The following RBM26 variants were observed in gnomAD, a reference collection of about 807,000 sequenced individuals.
RBM26 encodes RNA-binding protein 26.
Under a neutral mutation model 123.6 loss-of-function variants are expected in RBM26, and 30 were observed. The observed-to-expected ratio is 0.24, with a 90% CI of 0.18 to 0.33. RBM26 has a LOEUF of 0.33. Ranked by LOEUF, RBM26 falls within the 10% of genes least tolerant of loss-of-function variation. The pLI is 1.00. For synonymous variants in RBM26, 400 were observed against 404.4 expected, an observed-to-expected ratio of 0.99 and a Z score of 0.13; for missense variants, 947 against 1,203.6, an observed-to-expected ratio of 0.79 and a Z score of 3.15.
chr13:79,314,478 A>G (rs2066994625), downstream of RBM26: 1 of 151,858 alleles, frequency 6.6e-6, no homozygotes, highest in Non-Finnish European at 1.5e-5. Flanking sequence ...CAGTACATAA[A>G]AAAGTACTTT....
intron 20 of RBM26, among the ~76,000 whole-genome samples, chr13:79,328,683 TAAAA>T (rs747906560): frequency 0.039 from 1,509 of 38,402 alleles, 22 homozygotes; most frequent in African/African-American, 0.15. Context: ...CTGCATTAAG[TAAAA>T]AAAAAAAAAA....
rs942300204 is a variant in RBM26, at chr13:79,377,634, A to G, written c.191-119T>C. 4.8e-5 allele frequency: 40 copies of G among 830,316 alleles called. No homozygotes were observed. The African/African-American group carries it at 6.6e-4, about 14-fold the overall frequency. 51.4% of individuals were successfully genotyped at this position (830,316 alleles called of 1,614,324 possible). A position where few individuals can be genotyped will look rare whatever the true frequency, so the allele number is the denominator to read the frequency against. ...CCTTGACTTTTATAAACTAGAAAAT[A>G]TACTAGCACTGGCCAGGCGTGGTGG... On this transcript the variant is annotated intron_variant, in intron 2 of 21. Coordinates refer to ENST00000438737, the MANE Select transcript of RBM26 (RefSeq NM_001366735.2).
chr13:79,342,704 G>A lies in RBM26; in HGVS notation c.2387C>T (p.Pro796Leu). The A allele has an allele frequency of 1.9e-6, 3 of 1,611,364 alleles. 1 individual carries two copies. The highest frequency in any genetic ancestry group is 2.2e-5 in the East Asian group (1 of 44,750). ...KLKDEVKAAS[P>L]GRCLPKSIKT... Reference sequence around the variant, plus strand: ...TATACTTTTTGGAAGACAGCGTCCAGGAGAAGCAGCTTTGACCTCATCTTT... The same window carrying A: ...TATACTTTTTGGAAGACAGCGTCCAAGAGAAGCAGCTTTGACCTCATCTTT... The change falls in exon 17 of 22, where the codon CCT becomes CTT. Residue 796 changes from proline (P) to leucine (L), a missense_variant. Transcript: ENST00000438737.
Position 79,342,505 on chromosome 13 carries a change from C to T in RBM26, c.2427+159G>A, listed in dbSNP as rs186538498. Among the ~76,000 whole-genome samples, 11 of 151,898 alleles carry T rather than the reference C, an allele frequency of 7.2e-5. No individual in the cohort carries two copies. In the East Asian group the frequency reaches 1.9e-3, roughly 27 times the overall value. ...GAATTTAAAAGATTAGTAGAGTTTA[C>T]TTGTTTGTACTTTTTTATTTATGGC... On this transcript the variant is annotated intron_variant, in intron 17 of 21. Coordinates refer to ENST00000438737, the MANE Select transcript of RBM26 (RefSeq NM_001366735.2).
intron 16 of RBM26, among the ~76,000 whole-genome samples, chr13:79,343,740 T>A (rs2071820574): frequency 6.6e-6 from 1 of 151,930 alleles, no homozygotes; most frequent in African/African-American, 2.4e-5. Context: ...ATCCAAAATG[T>A]GACATTTCAA....
At chr13:79,355,460 T>C in intron 11 of RBM26, 76 bp from the exon 12 acceptor site, 5 of 1,102,072 alleles carry the variant, frequency 4.5e-6, no homozygotes, top group Non-Finnish European at 6.7e-6. Flanking sequence ...CCCCAGTAAG[T>C]GAAATACTGG....
Position 79,319,007 on chromosome 13 carries a change from T to A in RBM26, c.*1614A>T, listed in dbSNP as rs1053707724. The A allele has an allele frequency of 2.0e-6, 2 of 981,490 alleles. No homozygotes were observed. The highest frequency in any genetic ancestry group is 2.4e-6 in the Non-Finnish European group (2 of 826,658). 60.8% of individuals were successfully genotyped at this position (981,490 alleles called of 1,614,324 possible). A position where few individuals can be genotyped will look rare whatever the true frequency, so the allele number is the denominator to read the frequency against. On this transcript the variant is annotated 3_prime_UTR_variant, in exon 22 of 22. Transcript: ENST00000438737. ...AAAAATAGTGACTTTTTGAGCAAAGTCACTATTTTGACAACTGAAATCTGA... is the reference window on the plus strand; with the variant it reads ...AAAAATAGTGACTTTTTGAGCAAAGACACTATTTTGACAACTGAAATCTGA...
At chr13:79,358,970 T>A (rs1287013200) in intron 10 of RBM26, among the ~76,000 whole-genome samples, 9 of 152,244 alleles carry the variant, frequency 5.9e-5, no homozygotes, top group Non-Finnish European at 1.3e-4. Context: ...TTACTCTGCA[T>A]TAAATCACAG....
At position 79,319,926 on chromosome 13, in the gene RBM26, T is replaced by TTAA; in HGVS notation, c.*694_*695insTTA. 1.2e-6 allele frequency: 1 copy of TTAA among 857,846 alleles called. No homozygotes were observed. The highest frequency in any genetic ancestry group is 1.4e-6 in the Non-Finnish European group (1 of 722,140). 53.1% of individuals were successfully genotyped at this position (857,846 alleles called of 1,614,324 possible). A position where few individuals can be genotyped will look rare whatever the true frequency, so the allele number is the denominator to read the frequency against. ...TTCTTTTTTCTTTTCTTTTTTTTTTTAAATCAAGGAACATTGTCTTGGCTT... is the reference window on the plus strand; with the variant it reads ...TTCTTTTTTCTTTTCTTTTTTTTTTTTAAAAATCAAGGAACATTGTCTTGGCTT... On this transcript the variant is annotated 3_prime_UTR_variant, in exon 22 of 22. Transcript: ENST00000438737.
In RBM26 at chr13:79,371,002, G is replaced by C; in HGVS notation, c.577C>G (p.Arg193Gly). Reference protein sequence around the residue: ...RSRSWSKERLRERDRDRSRTR... With the variant: ...RSRSWSKERLGERDRDRSRTR... ...CTGCTTCTATCTCTGTCCCTCTCACGAAGCCTCTCTTTACTCCAACTTCGA... is the reference window on the plus strand; with the variant it reads ...CTGCTTCTATCTCTGTCCCTCTCACCAAGCCTCTCTTTACTCCAACTTCGA... Residue 193 changes from arginine to glycine, a missense_variant, in exon 5 of 22, where the codon CGT becomes GGT. Physicochemically the swap from Arg to Gly is moderately radical, Grantham distance 125. Coordinates refer to ENST00000438737, the MANE Select transcript of RBM26 (RefSeq NM_001366735.2). The C allele has an allele frequency of 6.3e-7, 1 of 1,598,880 alleles. No individual in the cohort carries two copies. The highest frequency in any genetic ancestry group is 8.6e-7 in the Non-Finnish European group (1 of 1,166,180).
intron 20 of RBM26, 58 bp from the exon 21 acceptor site, chr13:79,322,520 A>T: frequency 1.7e-6 from 2 of 1,156,166 alleles, no homozygotes; most frequent in East Asian, 2.8e-5. Flanking sequence ...AGAAAAAAAT[A>T]AATGTCATAG....
At chr13:79,375,692 A>T (rs993419396) in intron 3 of RBM26, among the ~76,000 whole-genome samples, 2 of 152,118 alleles carry the variant, frequency 1.3e-5, no homozygotes, top group Admixed American at 1.3e-4. Context: ...ACTGATTGGG[A>T]TGTTACATGT....
In RBM26 at chr13:79,366,075, G is replaced by C; in HGVS notation, c.1256C>G (p.Pro419Arg). The C allele has an allele frequency of 6.2e-7, 1 of 1,613,988 alleles. No homozygotes were observed. Among genetic ancestry groups the C allele is most frequent in the Non-Finnish European group, 8.5e-7 (1 of 1,179,926 alleles). Reference protein sequence around the residue: ...TGIHHQPPPAPPSLFTADTYD... With the variant: ...TGIHHQPPPARPSLFTADTYD... Reference sequence around the variant, plus strand: ...TGCACCTGCAGTAAAAAGAGAGGGTGGAGCAGGAGGAGGCTGGTGATGAAT... The same window carrying C: ...TGCACCTGCAGTAAAAAGAGAGGGTCGAGCAGGAGGAGGCTGGTGATGAAT... Residue 419 changes from proline to arginine, a missense_variant, in exon 8 of 22, where the codon CCA becomes CGA. Transcript: ENST00000438737.
chr13:79,331,312 CT>C (rs1221308172), intron 20 of RBM26, among the ~76,000 whole-genome samples: 17 of 150,172 alleles, frequency 1.1e-4, no homozygotes, highest in African/African-American at 3.9e-4. Context: ...CCCCTCTTTC[CT>C]TTTGATATAA....
Position 79,354,575 on chromosome 13 carries a change from G to C in RBM26, c.1855-5C>G, listed in dbSNP as rs763119734. 1.9e-6 allele frequency: 3 copies of C among 1,572,186 alleles called. No individual in the cohort carries two copies. In the South Asian group the frequency reaches 3.5e-5, roughly 19 times the overall value. On this transcript the variant is annotated splice_region_variant and splice_polypyrimidine_tract_variant and intron_variant, in intron 12 of 21. Coordinates refer to ENST00000438737, the MANE Select transcript of RBM26 (RefSeq NM_001366735.2). ...CTGGACTAAAGGCTGCATTACCTCA[G>C]AACAAGGAAAAAATGTTAAACAAGT...
chr13:79,365,805 TATAAC>T, intron 8 of RBM26, 87 bp from the exon 9 acceptor site: 1 of 1,198,974 alleles, frequency 8.3e-7, no homozygotes, highest in Non-Finnish European at 1.2e-6. Context: ...AAGTAAACAA[TATAAC>T]ATATTAACAT....
At chr13:79,403,669 CT>C (rs1445098538) in intron 1 of RBM26, among the ~76,000 whole-genome samples, 1 of 152,188 alleles carries the variant, frequency 6.6e-6, no homozygotes, top group Middle Eastern at 3.2e-3. Flanking sequence ...AGTTAAGTAA[CT>C]TACCCAATAT....
At chr13:79,373,946 C>T (rs1015219183) in intron 3 of RBM26, among the ~76,000 whole-genome samples, 10 of 133,992 alleles carry the variant, frequency 7.5e-5, no homozygotes, top group East Asian at 6.3e-4. Flanking sequence ...ACAACAGGAA[C>T]GACAGGAATC....
intron 5 of RBM26, among the ~76,000 whole-genome samples, chr13:79,370,081 G>A (rs1381241520): frequency 1.3e-5 from 2 of 151,944 alleles, no homozygotes; most frequent in African/African-American, 4.8e-5. Context: ...AGGCTGAGGC[G>A]GGTGGATCAC....
Sources: allele counts gnomAD v4.1 joint callset (sites outside exome capture counted in the v4.1 genomes callset), GRCh38; gene constraint gnomAD v4.1.1; transcripts MANE v1.5; gene names NCBI Gene and HGNC (gene_info 2026-07-23, HGNC 2026-07-21).